Variants in POLQ observed in about 807,000 individuals in gnomAD.
The protein encoded by POLQ is epididymis secretory sperm binding protein.
In POLQ, 233 loss-of-function variants were observed where a neutral mutation model predicts 259.2. The ratio of observed to expected loss-of-function variants is 0.90; its 90% CI spans 0.81 to 1.00. The LOEUF (loss-of-function observed/expected upper bound fraction) is 1.00, where lower values mean the gene tolerates loss of function less well. Among genes scored for constraint, POLQ ranks in the 50% least tolerant of loss-of-function variants. The pLI is 0.00. For missense variants in POLQ, 2,871 were observed against 3,051.6 expected, an observed-to-expected ratio of 0.94 and a Z score of 1.39; for synonymous variants, 1,025 against 1,048.8, an observed-to-expected ratio of 0.98 and a Z score of 0.44.
chr3:121,514,758 G>A (rs986742732), intron 9 of POLQ, among the ~76,000 whole-genome samples: 1 of 152,112 alleles, frequency 6.6e-6, no homozygotes, highest in Non-Finnish European at 1.5e-5. Context: ...TGCCAGTGGT[G>A]GTGCCCAATC....
intron 7 of POLQ, 45 bp from the exon 8 acceptor site, chr3:121,522,194 TCTTTAAGTGTATCTGTCTAAATCA>T (rs1180570576): frequency 6.7e-7 from 1 of 1,496,108 alleles, no homozygotes; most frequent in East Asian, 2.4e-5. Context: ...TAACTCAGCT[TCTTTAAGTGTATCTGTCTAAATCA>T]TAATAGAGCT....
At chr3:121,474,848 T>A (rs1048048473) in intron 20 of POLQ, among the ~76,000 whole-genome samples, 4 of 152,228 alleles carry the variant, frequency 2.6e-5, no homozygotes, top group African/African-American at 9.6e-5. Context: ...TGGGGCATAC[T>A]TATACTAAAT....
At chr3:121,476,418 G>T (rs1048745230) in intron 20 of POLQ, 122 bp downstream of exon 20, 2 of 612,400 alleles carry the variant, frequency 3.3e-6, no homozygotes, top group Non-Finnish European at 5.5e-6. Flanking sequence ...TGGTTAACTG[G>T]CTGTTTCATT....
At chr3:121,457,712 A>G (rs1004059093) in intron 25 of POLQ, among the ~76,000 whole-genome samples, 1 of 152,218 alleles carries the variant, frequency 6.6e-6, no homozygotes, top group Non-Finnish European at 1.5e-5. Flanking sequence ...TTAGAATGGC[A>G]ATCATTAAAA....
intron 4 of POLQ, among the ~76,000 whole-genome samples, chr3:121,537,774 T>C (rs1275054858): frequency 6.6e-6 from 1 of 152,152 alleles, no homozygotes; most frequent in Non-Finnish European, 1.5e-5. Flanking sequence ...TCACAACGGC[T>C]CCACTTCATT....
rs1475481794 is a variant in POLQ, at chr3:121,468,410, G to T, written c.6740C>A (p.Pro2247Gln). The T allele has an allele frequency of 3.7e-6, 6 of 1,610,028 alleles. No individual in the cohort carries two copies. In the African/African-American group the frequency reaches 8.0e-5, roughly 22 times the overall value. The change falls in exon 23 of 30, where the codon CCA becomes CAA. Residue 2247 changes from proline (P) to glutamine (Q), a missense_variant. Transcript: ENST00000264233. ...ATCTCTTGGCACATTCTGAATATTT[G>T]GTTCTGTAAAGGTTATTCGTCCTAA... ...TATGRITFTE[P>Q]NIQNVPRDFE... is the part of the protein sequence containing the mutation.
chr3:121,529,012 T>TA (rs2048391887), intron 7 of POLQ, among the ~76,000 whole-genome samples: 1 of 152,216 alleles, frequency 6.6e-6, no homozygotes, highest in South Asian at 2.1e-4. Flanking sequence ...TGTGATAAAA[T>TA]AGACTAGTAT....
chr3:121,485,281 G>T, intron 16 of POLQ, 97 bp from the exon 17 acceptor site: 1 of 780,592 alleles, frequency 1.3e-6, no homozygotes, highest in Non-Finnish European at 1.9e-6. Flanking sequence ...ATCTTTGATA[G>T]GCAAAATTTC....
chr3:121,483,739 T>C (rs1576412496), intron 17 of POLQ, among the ~76,000 whole-genome samples, 157 bp from the exon 18 acceptor site: 1 of 152,162 alleles, frequency 6.6e-6, no homozygotes, highest in East Asian at 1.9e-4. Flanking sequence ...ATCCAGGTCA[T>C]ATCAGCTATG....
In POLQ at chr3:121,543,396, C is replaced by T. The variant is rs183753965; in HGVS notation, c.343+1331G>A. Among the ~76,000 whole-genome samples, 553 of 152,234 alleles carry T rather than the reference C, an allele frequency of 3.6e-3. 2 individuals carry two copies. Among genetic ancestry groups the T allele is most frequent in the African/African-American group, 0.013 (526 of 41,524 alleles). ...TAATTTAATCAACTCTAAGTACTAC[C>T]GAGGCACACATACTCACAAACACAT... On this transcript the variant is annotated intron_variant, in intron 2 of 29. Transcript: ENST00000264233.
rs904695262 is a variant in POLQ at position 121,489,995 on chromosome 3, T to A, written c.2936A>T (p.Glu979Val). 2.5e-6 allele frequency: 4 copies of A among 1,581,414 alleles called. No individual in the cohort carries two copies. The highest frequency in any genetic ancestry group is 3.4e-6 in the Non-Finnish European group (4 of 1,170,758). The change falls in exon 16 of 30, where the codon GAA (glutamate) becomes GTA (valine). Residue 979 changes from glutamate (E) to valine (V), a missense_variant. This residue lies in a region of POLQ where 2,080 missense variants were observed against 2,126.0 expected (regional missense o/e 0.98). Coordinates refer to ENST00000264233, the MANE Select transcript of POLQ (RefSeq NM_199420.4). ...FNCNFQNGNQ[E>V]HQTCSIFRAR... ...TCTGAAAATGGAACATGTCTGATGT[T>A]CTTGATTCCCATTCTGGAAATTACA...
chr3:121,435,339 G>T (rs1167742244), intron 28 of POLQ, among the ~76,000 whole-genome samples: 4 of 152,124 alleles, frequency 2.6e-5, no homozygotes, highest in African/African-American at 4.8e-5. Context: ...TATTCTGAAA[G>T]TAAGAACAAG....
intron 24 of POLQ, among the ~76,000 whole-genome samples, chr3:121,467,040 T>C (rs895443357): frequency 6.6e-6 from 1 of 151,978 alleles, no homozygotes; most frequent in African/African-American, 2.4e-5. Flanking sequence ...TCAGGCAGAA[T>C]GAGAATAGCC....
At chr3:121,438,732 T>G (rs970328384) in intron 27 of POLQ, among the ~76,000 whole-genome samples, 1 of 152,230 alleles carries the variant, frequency 6.6e-6, no homozygotes, top group African/African-American at 2.4e-5. Flanking sequence ...TATATATTTT[T>G]TTGTTTGCAT....
rs149184899 is a variant in POLQ, at chr3:121,468,101, TA to T, written c.6845+203del. 7.3e-3 allele frequency among the ~76,000 whole-genome samples: 1,115 copies of T among 152,356 alleles called. 9 individuals carry two copies. Among genetic ancestry groups the T allele is most frequent in the African/African-American group, 0.026 (1,078 of 41,594 alleles). ...TCACTTTAAAGCTTAACAAAGATAC[TA>T]GAACTTTTTTTAGCAAACATTGAAT... On this transcript the variant is annotated intron_variant, in intron 23 of 29. Transcript: ENST00000264233.
At chr3:121,449,694 A>T (rs1320482522) in intron 25 of POLQ, among the ~76,000 whole-genome samples, 3 of 152,178 alleles carry the variant, frequency 2.0e-5, no homozygotes, top group Non-Finnish European at 4.4e-5. Flanking sequence ...TTTATTTTTG[A>T]CTATTTGTCC....
At chr3:121,521,293 AG>A (rs2108812991) in intron 8 of POLQ, among the ~76,000 whole-genome samples, 1 of 152,298 alleles carries the variant, frequency 6.6e-6, no homozygotes, top group East Asian at 1.9e-4. Flanking sequence ...GAAAGAACAT[AG>A]TATATAGAGG....
chr3:121,534,560 A>T (rs1237005048), intron 5 of POLQ, among the ~76,000 whole-genome samples: 1 of 152,116 alleles, frequency 6.6e-6, no homozygotes, highest in African/African-American at 2.4e-5. Flanking sequence ...GCCTCAAGTG[A>T]TCTGCCTGCC....
At position 121,468,319 on chromosome 3, in the gene POLQ, T is replaced by C. The variant is rs1306442740; in HGVS notation, c.6831A>G (p.Leu2277=). ...ACAGCACCTACCTGCCCATGGGAAG[T>C]AGGCCTTTGCCTACAGCTTGAGAAG... The part of the protein sequence containing the change: ...SPPSQAVGKG[L]LPMGRGKYKK... The change falls in exon 23 of 30, where the codon CTA becomes CTG. Residue 2277 remains leucine (L), a synonymous_variant. Transcript: ENST00000264233. 6.2e-7 allele frequency: 1 copy of C among 1,612,916 alleles called. No homozygotes were observed. The highest frequency in any genetic ancestry group is 8.5e-7 in the Non-Finnish European group (1 of 1,179,466).
Sources: allele counts gnomAD v4.1 joint callset (sites outside exome capture counted in the v4.1 genomes callset), GRCh38; gene constraint gnomAD v4.1.1; regional missense constraint gnomAD v4.1.1; transcripts MANE v1.5; gene names NCBI Gene and HGNC (gene_info 2026-07-23, HGNC 2026-07-21).